Variants in SORBS2 observed in about 807,000 individuals in gnomAD.
SORBS2 encodes the protein sorbin and SH3 domain containing 2.
In SORBS2, 46 loss-of-function variants were observed where a neutral mutation model predicts 97.7. The ratio of observed to expected loss-of-function variants is 0.47; its 90% CI spans 0.37 to 0.60. The LOEUF is 0.60. Among genes scored for constraint, SORBS2 ranks in the 20% least tolerant of loss-of-function variants. The pLI is 0.00. For missense variants in SORBS2, 1,316 were observed against 1,282.3 expected, an observed-to-expected ratio of 1.03 and a Z score of -0.40; for synonymous variants, 476 against 473.4, an observed-to-expected ratio of 1.01 and a Z score of -0.07.
exon 12 of SORBS2, chr4:185,611,931 C>T: frequency 6.2e-7 from 1 of 1,613,844 alleles, no homozygotes; most frequent in Non-Finnish European, 8.5e-7. Context: ...TGGGATTTTA[C>T]CTTCATACCA....
intron 4 of SORBS2, among the ~76,000 whole-genome samples, chr4:185,634,254 C>A (rs1330098128): frequency 6.6e-6 from 1 of 152,116 alleles, no homozygotes; most frequent in Non-Finnish European, 1.5e-5. Context: ...GACTCTATAC[C>A]TGCAATTCCA....
chr4:185,715,956 A>T (rs918459377), intron 2 of SORBS2, among the ~76,000 whole-genome samples: 3 of 152,208 alleles, frequency 2.0e-5, no homozygotes, highest in African/African-American at 7.2e-5. Context: ...ACTGCTGGAG[A>T]GAGATTAGAA....
intron 1 of SORBS2, among the ~76,000 whole-genome samples, chr4:185,842,390 C>A (rs1381854418): frequency 1.3e-5 from 2 of 152,168 alleles, no homozygotes; most frequent in African/African-American, 2.4e-5. Flanking sequence ...GAAGATGAGA[C>A]CTGAGAGTTA....
chr4:185,710,074 C>T (rs1054412190), intron 2 of SORBS2: 2 of 152,044 alleles, frequency 1.3e-5, no homozygotes, highest in African/African-American at 4.8e-5. Context: ...GGAACCAGGC[C>T]TCCGAATGTT....
At chr4:185,706,883 A>G (rs967947836) in intron 2 of SORBS2, among the ~76,000 whole-genome samples, 2 of 152,180 alleles carry the variant, frequency 1.3e-5, no homozygotes, top group African/African-American at 4.8e-5. Context: ...TTTTGTCAAA[A>G]TACCACATTT....
upstream of SORBS2, among the ~76,000 whole-genome samples, chr4:185,661,243 T>C (rs1271141086): frequency 2.0e-5 from 3 of 148,030 alleles, no homozygotes; most frequent in Non-Finnish European, 3.0e-5. Flanking sequence ...CCCATTGCAC[T>C]CCAGCCTGGG....
intron 1 of SORBS2, among the ~76,000 whole-genome samples, chr4:185,883,650 T>A: frequency 6.6e-6 from 1 of 152,186 alleles, no homozygotes; most frequent in Non-Finnish European, 1.5e-5. Flanking sequence ...ATGTGGTACA[T>A]TTGTATAATG....
At chr4:185,817,754 C>G (rs1316328562) in intron 1 of SORBS2, among the ~76,000 whole-genome samples, 2 of 152,202 alleles carry the variant, frequency 1.3e-5, no homozygotes, top group African/African-American at 4.8e-5. Context: ...TTAGAAGGTG[C>G]TGGGTGAAAC....
chr4:185,846,021 T>C (rs1311058811), intron 1 of SORBS2, among the ~76,000 whole-genome samples: 1 of 152,242 alleles, frequency 6.6e-6, no homozygotes, highest in Non-Finnish European at 1.5e-5. Flanking sequence ...ATAAACTTCA[T>C]GCCACCTGGC....
chr4:185,735,187 G>A (rs2098675299), intron 2 of SORBS2, among the ~76,000 whole-genome samples: 1 of 152,166 alleles, frequency 6.6e-6, no homozygotes. Flanking sequence ...GGGGCTGGTG[G>A]GAACTTGCCA....
At chr4:185,934,345 G>T (rs1248859561) in intron 1 of SORBS2, among the ~76,000 whole-genome samples, 1 of 152,112 alleles carries the variant, frequency 6.6e-6, no homozygotes, top group Admixed American at 6.5e-5. Flanking sequence ...CCACGCAAAG[G>T]CTTGCACTCA....
intron 1 of SORBS2, among the ~76,000 whole-genome samples, chr4:185,792,400 A>G (rs1207953383): frequency 6.6e-6 from 1 of 152,114 alleles, no homozygotes; most frequent in Non-Finnish European, 1.5e-5. Flanking sequence ...AGGTTGAGGC[A>G]GGAGAATTGC....
intron 2 of SORBS2, among the ~76,000 whole-genome samples, chr4:185,722,445 C>G: frequency 6.6e-6 from 1 of 152,140 alleles, no homozygotes; most frequent in East Asian, 1.9e-4. Context: ...GCAATTTATT[C>G]TAATGTAGTT....
At chr4:185,652,573 C>A in intron 2 of SORBS2, 89 bp downstream of exon 10, 2 of 1,014,126 alleles carry the variant, frequency 2.0e-6, no homozygotes, top group Non-Finnish European at 3.1e-6. Context: ...GGGGTCTTGA[C>A]ATTGTGTGTG....
intron 1 of SORBS2, among the ~76,000 whole-genome samples, chr4:185,887,006 A>T (rs6552935): frequency 2.6e-5 from 4 of 151,936 alleles, no homozygotes; most frequent in African/African-American, 9.7e-5. Context: ...CCTTCCAGCC[A>T]GTTTGAAGAC....
chr4:185,918,024 T>A (rs2099259143), intron 1 of SORBS2: 1 of 152,194 alleles, frequency 6.6e-6, no homozygotes, highest in Admixed American at 6.5e-5. Context: ...AGAAATGTGA[T>A]GTTCCGGGAA....
chr4:185,757,595 C>A, intron 2 of SORBS2, among the ~76,000 whole-genome samples: 1 of 152,286 alleles, frequency 6.6e-6, no homozygotes, highest in African/African-American at 2.4e-5. Context: ...CATCACAATT[C>A]CATTTTAAGA....
chr4:185,612,072 C>T, intron 11 of SORBS2, 92 bp from the exon 24 acceptor site: 1 of 1,010,702 alleles, frequency 9.9e-7, no homozygotes, highest in Non-Finnish European at 1.5e-6. Flanking sequence ...AATAGGTTTC[C>T]ATTTGGGCAG....
chr4:185,731,862 C>CTATA (rs2098639221), intron 2 of SORBS2, among the ~76,000 whole-genome samples: 3 of 30,578 alleles, frequency 9.8e-5, no homozygotes, highest in Non-Finnish European at 1.2e-4. Flanking sequence ...CTCTCTCTCT[C>CTATA]TCTCTATATA....
Sources: gnomAD v4.1 joint callset for allele counts (sites outside exome capture counted in the v4.1 genomes callset) on GRCh38, gnomAD v4.1.1 for gene constraint, MANE v1.5 for transcripts, NCBI Gene and HGNC (gene_info 2026-07-23, HGNC 2026-07-21) for gene names.